RAP2C: variants seen among roughly 807,000 people sequenced by gnomAD.
The protein encoded by RAP2C is ras-related protein Rap-2c.
In RAP2C, 3 loss-of-function variants were observed where a neutral mutation model predicts 8.9. That is an observed-to-expected ratio of 0.34 (90% CI 0.15 to 0.87). The LOEUF (loss-of-function observed/expected upper bound fraction) is 0.87. RAP2C is among the 40% of genes least tolerant of loss of function. RAP2C has a pLI of 0.51. For missense variants in RAP2C, 76 were observed against 133.7 expected (o/e 0.57, Z 2.13); for synonymous variants, 60 against 52.1 (o/e 1.15, Z -0.65).
intron 5 of RAP2C, among the ~76,000 whole-genome samples, chrX:132,207,942 TCTTA>T (rs1930317561): frequency 9.0e-6 from 1 of 110,656 alleles, no homozygotes; most frequent in Non-Finnish European, 1.9e-5. Context: ...CTATTCAAAC[TCTTA>T]CTTAATTGTT....
intron 5 of RAP2C, among the ~76,000 whole-genome samples, chrX:132,207,034 T>A (rs1930294544): frequency 8.9e-6 from 1 of 112,112 alleles, no homozygotes; most frequent in African/African-American, 3.2e-5. Flanking sequence ...AATTTTGATA[T>A]CCAGACTAAG....
At chrX:132,214,710 C>T (rs1327602839) in intron 4 of RAP2C, 1 of 228,890 alleles carries the variant, frequency 4.4e-6, no homozygotes, top group Non-Finnish European at 6.2e-6. Context: ...ATCACTTTTA[C>T]CCACCCCCAG....
In RAP2C at chrX:132,203,414, C is replaced by A. The variant is rs749870799; in HGVS notation, c.*2208G>T. 2.6e-4 allele frequency: 29 copies of A among 109,764 alleles called. No homozygotes were observed. Among genetic ancestry groups the A allele is most frequent in the African/African-American group, 9.6e-4 (29 of 30,129 alleles). 9.0% of individuals were successfully genotyped at this position (109,764 alleles called of 1,213,427 possible). On this transcript the variant is annotated 3_prime_UTR_variant, in exon 6 of 6. Transcript: ENST00000370874. The stretch of plus-strand genomic sequence containing the variant: ...TTCTTAAAATGTGCTGGAGAAACCA[C>A]CTTTAAAATCACTTTCCCCTGATTC...
Position 132,217,196 on chromosome X carries a change from T to C in RAP2C, c.73A>G (p.Thr25Ala). 1 of 1,190,664 alleles carries C rather than the reference T, an allele frequency of 8.4e-7. No individual in the cohort carries two copies. Among genetic ancestry groups the C allele is most frequent in the Non-Finnish European group, 1.1e-6 (1 of 884,063 alleles). ...TCATATTTCTCAATGAAAGTCCCAG[T>C]GACAAACTGCACAGTAAGGGCAGAT... ...GKSALTVQFVTGTFIEKYDPT... is the reference protein window; with the variant it reads ...GKSALTVQFVAGTFIEKYDPT... The change falls in exon 4 of 6, where the codon ACT becomes GCT. Residue 25 changes from threonine (T) to alanine (A), a missense_variant. Thr to Ala is a moderately conservative substitution (Grantham distance 58). Transcript: ENST00000370874.
In RAP2C at chrX:132,217,733, G is replaced by C. The variant is rs994140017; in HGVS notation, c.-465C>G. On this transcript the variant is annotated 5_prime_UTR_variant, in exon 4 of 6. Coordinates refer to ENST00000370874, the MANE Select transcript of RAP2C (RefSeq NM_001271186.2). ...TGCTCGCGCAGCCCAGCCGGCTCAG[G>C]CCTGAGGGCTCCGTTCCAGTTACCG... is the stretch of plus-strand genomic sequence containing the variant. 74 of 115,198 alleles carry C rather than the reference G, an allele frequency of 6.4e-4. No individual in the cohort carries two copies. Among genetic ancestry groups the C allele is most frequent in the Non-Finnish European group, 8.8e-4 (48 of 54,780 alleles). The allele number at this position is 115,198 out of a possible 1,213,427, so 9.5% of individuals were successfully genotyped here.
chrX:132,211,062 CA>C (rs1338623589), intron 5 of RAP2C, among the ~76,000 whole-genome samples: 2 of 110,324 alleles, frequency 1.8e-5, no homozygotes, highest in African/African-American at 6.6e-5. Flanking sequence ...TTTTTGTCCC[CA>C]GGGGGCATTT....
chrX:132,208,964 G>A (rs1358409308), intron 5 of RAP2C, among the ~76,000 whole-genome samples: 1 of 112,031 alleles, frequency 8.9e-6, no homozygotes, highest in East Asian at 2.8e-4. Context: ...ACTGCATCTG[G>A]CCTCAGGCTG....
chrX:132,204,608 G>T lies in RAP2C; in HGVS notation c.*1014C>A, dbSNP rs1930215554. The T allele has an allele frequency of 9.0e-6, 1 of 111,691 alleles. No homozygotes were observed. Among genetic ancestry groups the T allele is most frequent in the South Asian group, 3.7e-4 (1 of 2,720 alleles). The allele number at this position is 111,691 out of a possible 1,213,427, so 9.2% of individuals were successfully genotyped here. Reference sequence around the variant, plus strand: ...GTGCAAGAAAACTTTAACAAATATTGCTTTAAACTATTATTCAGAAAGACA... The same window carrying T: ...GTGCAAGAAAACTTTAACAAATATTTCTTTAAACTATTATTCAGAAAGACA... On this transcript the variant is annotated 3_prime_UTR_variant, in exon 6 of 6. Coordinates refer to ENST00000370874, the MANE Select transcript of RAP2C (RefSeq NM_001271186.2).
chrX:132,206,810 A>G lies in RAP2C; in HGVS notation c.*35-1223T>C, dbSNP rs551089674. 4.5e-5 allele frequency among the ~76,000 whole-genome samples: 5 copies of G among 112,318 alleles called. No individual in the cohort carries two copies. The Middle Eastern group carries it at 0.018, about 414-fold the overall frequency. On this transcript the variant is annotated intron_variant, in intron 5 of 5. Transcript: ENST00000370874. Reference sequence around the variant, plus strand: ...AAACACATTAGGAAAAAATAGAACAAAAGTCTGCCTCTTTAGAAATTATTA... The same window carrying G: ...AAACACATTAGGAAAAAATAGAACAGAAGTCTGCCTCTTTAGAAATTATTA...
In RAP2C at chrX:132,204,339, A is replaced by G. The variant is rs1347960494; in HGVS notation, c.*1283T>C. On this transcript the variant is annotated 3_prime_UTR_variant, in exon 6 of 6. Transcript: ENST00000370874. Reference sequence around the variant, plus strand: ...ATTGTCACGATGTTAAAACTGAACCAAAATATTACTCTGCATAAGTTTCCT... The same window carrying G: ...ATTGTCACGATGTTAAAACTGAACCGAAATATTACTCTGCATAAGTTTCCT... 1 of 112,636 alleles carries G rather than the reference A, an allele frequency of 8.9e-6. No individual in the cohort carries two copies. Among genetic ancestry groups the G allele is most frequent in the Non-Finnish European group, 1.9e-5 (1 of 53,219 alleles). 9.3% of individuals were successfully genotyped at this position (112,636 alleles called of 1,213,427 possible).
At chrX:132,214,808 G>T (rs182235052) in intron 4 of RAP2C, among the ~76,000 whole-genome samples, 2 of 111,491 alleles carry the variant, frequency 1.8e-5, no homozygotes, top group African/African-American at 6.5e-5. Flanking sequence ...CTGCCTGCTT[G>T]TCATCACTCC....
intron 5 of RAP2C, among the ~76,000 whole-genome samples, chrX:132,211,641 C>G (rs748035767): frequency 9.0e-6 from 1 of 111,582 alleles, no homozygotes; most frequent in Non-Finnish European, 1.9e-5. Flanking sequence ...AGGCACGAGG[C>G]CTGTGACCCA....
At chrX:132,209,854 C>G (rs1437012803) in intron 5 of RAP2C, among the ~76,000 whole-genome samples, 1 of 111,979 alleles carries the variant, frequency 8.9e-6, no homozygotes, top group African/African-American at 3.2e-5. Flanking sequence ...AGGCACCTGT[C>G]CACTCTCAAG....
At position 132,214,203 on chromosome X, in the gene RAP2C, G is replaced by A; in HGVS notation, c.517C>T (p.Gln173Ter). The A allele has an allele frequency of 8.3e-7, 1 of 1,211,332 alleles. No homozygotes were observed. The highest frequency in any genetic ancestry group is 1.1e-6 in the Non-Finnish European group (1 of 895,258). The part of the protein sequence containing the change: ...QMNYSSLPEK[Q>*]DQCCTTCVVQ ...ACACAAGTTGTACAACACTGATCTT[G>A]CTTCTCCGGCAGGGATGAATAGTTC... Residue 173 changes from glutamine (Q) to a stop codon, truncating the protein, a stop_gained, in exon 5 of 6, where the codon CAA becomes TAA. Coordinates refer to ENST00000370874, the MANE Select transcript of RAP2C (RefSeq NM_001271186.2). LOFTEE classifies it high-confidence loss of function.
chrX:132,215,371 A>G (rs1387866572), intron 4 of RAP2C, among the ~76,000 whole-genome samples: 1 of 111,855 alleles, frequency 8.9e-6, no homozygotes, highest in East Asian at 2.8e-4. Flanking sequence ...TGGAAGTCAT[A>G]GTAAGTACAG....
rs1016839507 is a variant in RAP2C at position 132,217,328 on chromosome X, C to T, written c.-60G>A. The T allele has an allele frequency of 1.6e-4, 162 of 1,008,449 alleles. No homozygotes were observed. The highest frequency in any genetic ancestry group is 2.0e-4 in the Non-Finnish European group (158 of 773,600). The allele number at this position is 1,008,449 out of a possible 1,213,427, so 83.1% of individuals were successfully genotyped here. ...GGAAAGATCACCCCGCTAGCTGTGGCGCGGCTAGACGAGGCGGAAGGTGGG... is the reference window on the plus strand; with the variant it reads ...GGAAAGATCACCCCGCTAGCTGTGGTGCGGCTAGACGAGGCGGAAGGTGGG... On this transcript the variant is annotated 5_prime_UTR_variant, in exon 4 of 6. Coordinates refer to ENST00000370874, the MANE Select transcript of RAP2C (RefSeq NM_001271186.2).
chrX:132,209,606 T>C (rs898529877), intron 5 of RAP2C, among the ~76,000 whole-genome samples: 1 of 112,358 alleles, frequency 8.9e-6, no homozygotes, highest in Admixed American at 9.4e-5. Context: ...TTCTGTAGTA[T>C]GGCTAGAACA....
chrX:132,207,986 C>T (rs1930318856), intron 5 of RAP2C, among the ~76,000 whole-genome samples: 1 of 96,120 alleles, frequency 1.0e-5, no homozygotes, highest in African/African-American at 4.4e-5. Context: ...TTTACTAATG[C>T]AATATTATAG....
intron 5 of RAP2C, among the ~76,000 whole-genome samples, chrX:132,213,853 A>G (rs1251961184): frequency 1.8e-5 from 2 of 112,121 alleles, no homozygotes; most frequent in African/African-American, 6.5e-5. Context: ...GTTTAACTCA[A>G]CCCAAAGAAA....
Sources: gnomAD v4.1 joint callset for allele counts (sites outside exome capture counted in the v4.1 genomes callset) on GRCh38, gnomAD v4.1.1 for gene constraint, MANE v1.5 for transcripts, NCBI Gene and HGNC (gene_info 2026-07-23, HGNC 2026-07-21) for gene names.